Variants in MEF2C observed in about 807,000 individuals in gnomAD.
MEF2C encodes myocyte enhancer factor 2C.
Under a neutral mutation model 50.5 loss-of-function variants are expected in MEF2C, and 6 were observed. The ratio of observed to expected loss-of-function variants is 0.12; its 90% CI spans 0.07 to 0.23. The LOEUF is 0.23. MEF2C is among the 10% of genes least tolerant of loss of function. The pLI is 1.00. For synonymous variants in MEF2C, 183 were observed against 228.0 expected, an observed-to-expected ratio of 0.80 and a Z score of 1.78; for missense variants, 276 against 605.0, an observed-to-expected ratio of 0.46 and a Z score of 5.70.
intron 3 of MEF2C, among the ~76,000 whole-genome samples, chr5:88,804,162 G>T (rs1799428159): frequency 6.6e-6 from 1 of 152,202 alleles, no homozygotes; most frequent in Admixed American, 6.5e-5. Flanking sequence ...GAAAGTGTAA[G>T]GTTGGGGTGA....
intron 3 of MEF2C, chr5:88,775,785 TAAAA>T (rs1784475699): frequency 1.0e-6 from 1 of 981,258 alleles, no homozygotes; most frequent in African/African-American, 1.7e-5. Flanking sequence ...CATGATGCTA[TAAAA>T]GCTAGAGTGA....
chr5:88,751,926 G>T lies in MEF2C; in HGVS notation c.520C>A (p.His174Asn), dbSNP rs747344450. The T allele has an allele frequency of 6.2e-7, 1 of 1,614,014 alleles. No homozygotes were observed. The highest frequency in any genetic ancestry group is 8.5e-7 in the Non-Finnish European group (1 of 1,179,896). The change falls in exon 5 of 11, where the codon CAC (histidine) becomes AAC (asparagine). Residue 174 changes from histidine to asparagine, a missense_variant. His to Asn is a moderately conservative substitution (Grantham distance 68). Around this residue, in one of 2 missense-constraint regions of MEF2C, gnomAD observed 256 missense variants for 468.1 expected, o/e 0.55. Coordinates refer to ENST00000504921, the MANE Select transcript of MEF2C (RefSeq NM_002397.5). ...ATACTATTCCTCTGCAGAGAAGGGT[G>T]AGCCAGTGGCAATAGGTTGGGGTTT... ...LGNPNLLPLA[H>N]PSLQRNSMSP... is the part of the protein sequence containing the mutation.
intron 1 of MEF2C, among the ~76,000 whole-genome samples, chr5:88,878,719 G>C (rs984980222): frequency 6.6e-6 from 1 of 151,480 alleles, no homozygotes; most frequent in East Asian, 1.9e-4. Context: ...CTTTTACAAA[G>C]AAATTTTCAA....
chr5:88,842,107 G>A (rs551719630), intron 1 of MEF2C, among the ~76,000 whole-genome samples: 1 of 152,136 alleles, frequency 6.6e-6, no homozygotes, highest in South Asian at 2.1e-4. Context: ...CTGATGAAGT[G>A]TTCTTTGACC....
At chr5:88,894,337 A>G (rs1834894681) in intron 1 of MEF2C, among the ~76,000 whole-genome samples, 1 of 152,206 alleles carries the variant, frequency 6.6e-6, no homozygotes, top group South Asian at 2.1e-4. Flanking sequence ...CCTTGTATTC[A>G]TAACGTTTGT....
chr5:88,762,730 T>A (rs999201694), intron 3 of MEF2C, among the ~76,000 whole-genome samples: 2 of 152,150 alleles, frequency 1.3e-5, no homozygotes, highest in Non-Finnish European at 2.9e-5. Flanking sequence ...TGAATTTTCC[T>A]GGTACCACCA....
intron 3 of MEF2C, among the ~76,000 whole-genome samples, chr5:88,770,454 C>T (rs1440870734): frequency 2.6e-5 from 4 of 152,220 alleles, no homozygotes; most frequent in Admixed American, 2.6e-4. Flanking sequence ...TTATATCCTA[C>T]ATCTTTGCAT....
intron 3 of MEF2C, among the ~76,000 whole-genome samples, chr5:88,800,444 TCAGAGTCTCTTCCA>T (rs1333478471): frequency 3.3e-5 from 5 of 152,342 alleles, no homozygotes; most frequent in African/African-American, 1.2e-4. Flanking sequence ...TCCTGCTGTT[TCAGAGTCTCTTCCA>T]CAGTGCTGAG....
chr5:88,793,319 G>A (rs556163310), intron 3 of MEF2C, among the ~76,000 whole-genome samples: 2 of 147,884 alleles, frequency 1.4e-5, no homozygotes, highest in East Asian at 2.2e-4. Flanking sequence ...TGTGGCTTGA[G>A]TATAGGATGG....
chr5:88,843,534 A>G (rs1818194564), intron 1 of MEF2C: 1 of 927,848 alleles, frequency 1.1e-6, no homozygotes, highest in Non-Finnish European at 1.3e-6. Flanking sequence ...CAAGTTTTAT[A>G]CCTTATTCAT....
intron 1 of MEF2C, among the ~76,000 whole-genome samples, chr5:88,901,680 T>A (rs1387125535): frequency 1.3e-5 from 2 of 151,986 alleles, no homozygotes. Context: ...AATATTTTAT[T>A]AAAATAAACC....
intron 1 of MEF2C, among the ~76,000 whole-genome samples, chr5:88,831,949 G>A (rs1813231116): frequency 6.6e-6 from 1 of 152,006 alleles, no homozygotes; most frequent in Admixed American, 6.6e-5. Flanking sequence ...TAAACCACAT[G>A]GCTCATGGGC....
intron 4 of MEF2C, among the ~76,000 whole-genome samples, chr5:88,757,014 T>C (rs1349447523): frequency 6.6e-6 from 1 of 152,070 alleles, no homozygotes; most frequent in Non-Finnish European, 1.5e-5. Flanking sequence ...ATTAAGAACT[T>C]CAAGACAATG....
chr5:88,748,716 A>G (rs1287175694), intron 6 of MEF2C: 1 of 936,814 alleles, frequency 1.1e-6, no homozygotes, highest in Non-Finnish European at 1.3e-6. Flanking sequence ...CTGGAAAATG[A>G]TTCATATTTA....
intron 3 of MEF2C, among the ~76,000 whole-genome samples, chr5:88,788,989 G>A (rs1271571270): frequency 1.3e-5 from 2 of 151,928 alleles, no homozygotes; most frequent in African/African-American, 4.8e-5. Flanking sequence ...GGGTAACTTT[G>A]GTCTATTTTT....
intron 3 of MEF2C, among the ~76,000 whole-genome samples, chr5:88,796,645 T>C (rs1796148312): frequency 6.6e-6 from 1 of 152,072 alleles, no homozygotes; most frequent in Non-Finnish European, 1.5e-5. Flanking sequence ...GTTCGGCTCT[T>C]AGTTATTTCT....
chr5:88,795,532 G>A (rs1283555865), intron 3 of MEF2C, among the ~76,000 whole-genome samples: 1 of 152,186 alleles, frequency 6.6e-6, no homozygotes, highest in East Asian at 1.9e-4. Flanking sequence ...AGCTTAAGGA[G>A]ATTTTGGGGT....
At chr5:88,830,293 C>G (rs1268780800) in intron 1 of MEF2C, among the ~76,000 whole-genome samples, 2 of 151,904 alleles carry the variant, frequency 1.3e-5, no homozygotes, top group African/African-American at 4.8e-5. Flanking sequence ...TATCTTTCCC[C>G]AAGGACAAAA....
At chr5:88,763,467 A>C (rs1470053920) in intron 3 of MEF2C, among the ~76,000 whole-genome samples, 1 of 152,126 alleles carries the variant, frequency 6.6e-6, no homozygotes, top group Non-Finnish European at 1.5e-5. Context: ...TTGTATTATG[A>C]TGTGTTTCTG....
Sources: gnomAD v4.1 joint callset for allele counts (sites outside exome capture counted in the v4.1 genomes callset) on GRCh38, gnomAD v4.1.1 for gene constraint, gnomAD v4.1.1 regional missense constraint, MANE v1.5 for transcripts, NCBI Gene and HGNC (gene_info 2026-07-23, HGNC 2026-07-21) for gene names.